COX18: variants seen among roughly 807,000 people sequenced by gnomAD.
COX18 encodes cytochrome c oxidase assembly protein COX18, mitochondrial.
A neutral mutation model predicts 38.0 loss-of-function variants in COX18; 45 were observed. That is an observed-to-expected ratio of 1.18 (90% CI 0.93 to 1.52). COX18 has a LOEUF of 1.52. Among genes scored for constraint, COX18 ranks in the 40% most tolerant of loss-of-function variants. The pLI, the probability that COX18 is intolerant of heterozygous loss-of-function variation, is 0.00. For synonymous variants in COX18, 177 were observed against 169.8 expected (o/e 1.04, Z -0.33); for missense variants, 462 against 423.8 (o/e 1.09, Z -0.79).
At chr4:73,069,086 A>C (rs1720616880) in intron 1 of COX18, among the ~76,000 whole-genome samples, 1 of 152,228 alleles carries the variant, frequency 6.6e-6, no homozygotes, top group South Asian at 2.1e-4. Flanking sequence ...CAAATCCAGT[A>C]AGACAAAAGA....
Position 73,055,814 on chromosome 4 carries a change from A to C in COX18, c.*2300T>G, listed in dbSNP as rs1719868812. On this transcript the variant is annotated 3_prime_UTR_variant, in exon 6 of 6. Transcript: ENST00000507544. ...GCAAGGAGGCAAATTTACAAATATA[A>C]AATCCACAAATAATGAGGATATTTC... The C allele has an allele frequency of 6.6e-6, 1 of 152,188 alleles. No homozygotes were observed. The highest frequency in any genetic ancestry group is 2.4e-5 in the African/African-American group (1 of 41,456). 9.4% of individuals were successfully genotyped at this position (152,188 alleles called of 1,614,324 possible). A position where few individuals can be genotyped will look rare whatever the true frequency, so the allele number is the denominator to read the frequency against.
intron 2 of COX18, 114 bp from the exon 3 acceptor site, chr4:73,065,527 T>A (rs1166793750): frequency 1.1e-6 from 1 of 899,520 alleles, no homozygotes; most frequent in African/African-American, 1.7e-5. Context: ...AGGATTTGTA[T>A]AAGGGTTTCA....
intron 5 of COX18, among the ~76,000 whole-genome samples, chr4:73,059,174 C>A (rs989341236): frequency 3.3e-5 from 5 of 152,162 alleles, no homozygotes; most frequent in Non-Finnish European, 7.4e-5. Flanking sequence ...TCCTGAAATA[C>A]TCCTATACTT....
chr4:73,065,058 A>T (rs953722305), intron 3 of COX18, among the ~76,000 whole-genome samples, 156 bp from the exon 4 acceptor site: 1 of 151,650 alleles, frequency 6.6e-6, no homozygotes, highest in Non-Finnish European at 1.5e-5. Flanking sequence ...CAATATATAT[A>T]TTTTTTCTCA....
rs867305620 is a variant in COX18, at chr4:73,065,265, C to A, written c.583G>T (p.Ala195Ser). The part of the protein sequence containing the change: ...SFALRNLSTG[A>S]AHSEAGFSVQ... ...CAATAATTACCTTCTGAATGTGCTG[C>A]CCCCGTGCTTAAATTCCGGAGAGCA... The change falls in exon 3 of 6, where the codon GCA (alanine) becomes TCA (serine). Residue 195 changes from alanine to serine, a missense_variant. Coordinates refer to ENST00000507544, the MANE Select transcript of COX18 (RefSeq NM_001297732.2). 1.2e-6 allele frequency: 2 copies of A among 1,612,434 alleles called. No homozygotes were observed. The highest frequency in any genetic ancestry group is 2.7e-5 in the African/African-American group (2 of 74,508).
intron 2 of COX18, among the ~76,000 whole-genome samples, 165 bp downstream of exon 2, chr4:73,067,864 A>AAAAATATATATATATATATAT: frequency 5.0e-5 from 1 of 20,022 alleles, no homozygotes; most frequent in African/African-American, 9.1e-5. Context: ...AAAAAAAAAA[A>AAAAATATATATATATATATAT]ATATATATAT....
chr4:73,069,113 G>A (rs1304449646), intron 1 of COX18, among the ~76,000 whole-genome samples: 2 of 152,232 alleles, frequency 1.3e-5, no homozygotes, highest in Non-Finnish European at 2.9e-5. Context: ...AGGTACACGT[G>A]TCACAAAGTA....
chr4:73,069,242 C>T, intron 1 of COX18, 75 bp downstream of exon 1: 1 of 1,127,962 alleles, frequency 8.9e-7, no homozygotes. Flanking sequence ...CGATCGAAAA[C>T]CCTGAGTGAA....
At chr4:73,058,915 C>T (rs1275368190) in intron 5 of COX18, among the ~76,000 whole-genome samples, 2 of 152,132 alleles carry the variant, frequency 1.3e-5, no homozygotes, top group African/African-American at 4.8e-5. Flanking sequence ...TTCCATTCCT[C>T]GTATCATGAG....
chr4:73,069,717 G>A (rs1385581594), upstream of COX18: 5 of 1,429,220 alleles, frequency 3.5e-6, no homozygotes, highest in Admixed American at 1.0e-4. Context: ...GCCAGCCAAG[G>A]CTGATACGCG....
intron 3 of COX18, 107 bp downstream of exon 3, chr4:73,065,143 G>C: frequency 5.6e-6 from 6 of 1,066,054 alleles, no homozygotes; most frequent in Non-Finnish European, 8.0e-6. Context: ...AAGGAAGATA[G>C]TAAACATATC....
chr4:73,065,315 A>C lies in COX18; in HGVS notation c.533T>G (p.Leu178Arg). The C allele has an allele frequency of 1.2e-6, 2 of 1,613,962 alleles. No homozygotes were observed. The highest frequency in any genetic ancestry group is 1.7e-6 in the Non-Finnish European group (2 of 1,179,964). The change falls in exon 3 of 6, where the codon CTT becomes CGT. Residue 178 changes from leucine (L) to arginine (R), a missense_variant. By Grantham distance (102) the Leu-to-Arg change is moderately radical. Coordinates refer to ENST00000507544, the MANE Select transcript of COX18 (RefSeq NM_001297732.2). ...AAAAGACATGAAGATCCACATTGGA[A>C]GCTGAATCCAAACCAACACAGTGGC... ...FKATVLVWIQ[L>R]PMWIFMSFAL...
intron 2 of COX18, among the ~76,000 whole-genome samples, chr4:73,066,382 A>G (rs1720447091): frequency 6.6e-6 from 1 of 152,146 alleles, no homozygotes; most frequent in Non-Finnish European, 1.5e-5. Context: ...TTCAAGACTC[A>G]ATACTATTGA....
intron 1 of COX18, among the ~76,000 whole-genome samples, chr4:73,068,825 G>A (rs1482567735): frequency 6.6e-6 from 1 of 152,218 alleles, no homozygotes; most frequent in Non-Finnish European, 1.5e-5. Flanking sequence ...TCAAGTAACT[G>A]CGACCAACCA....
In COX18 at chr4:73,057,772, C is replaced by T. The variant is rs981433191; in HGVS notation, c.*342G>A. On this transcript the variant is annotated 3_prime_UTR_variant, in exon 6 of 6. Coordinates refer to ENST00000507544, the MANE Select transcript of COX18 (RefSeq NM_001297732.2). ...GAAACCTCTGTATTCCAGGTTCAAG[C>T]GATTCTCCTGCCTCAGCCTCCCAAG... is the stretch of plus-strand genomic sequence containing the variant. 32 of 161,700 alleles carry T rather than the reference C, an allele frequency of 2.0e-4. No homozygotes were observed. Among genetic ancestry groups the T allele is most frequent in the Non-Finnish European group, 3.4e-4 (25 of 73,530 alleles). The allele number at this position is 161,700 out of a possible 1,614,324, so 10.0% of individuals were successfully genotyped here.
At position 73,055,956 on chromosome 4, in the gene COX18, T is replaced by C. The variant is rs996454230; in HGVS notation, c.*2158A>G. The C allele has an allele frequency of 2.6e-5, 4 of 152,202 alleles. No individual in the cohort carries two copies. Among genetic ancestry groups the C allele is most frequent in the Non-Finnish European group, 5.9e-5 (4 of 68,038 alleles). The allele number at this position is 152,202 out of a possible 1,614,324, so 9.4% of individuals were successfully genotyped here. A position where few individuals can be genotyped will look rare whatever the true frequency, so the allele number is the denominator to read the frequency against. ...TAATTGCCACCATCTATGTCTAAAA[T>C]AAATTCTCAGGGAAGCAGAATTCTT... On this transcript the variant is annotated 3_prime_UTR_variant, in exon 6 of 6. Coordinates refer to ENST00000507544, the MANE Select transcript of COX18 (RefSeq NM_001297732.2).
rs183565586 is a variant in COX18, at chr4:73,060,475, A to G, written c.831+1338T>C. ...AATTCTCACAGGCATTATGATATCT[A>G]TTTTAGAGATGAACAAACTTATTCT... On this transcript the variant is annotated intron_variant, in intron 5 of 5. Transcript: ENST00000507544. Among the ~76,000 whole-genome samples the G allele has an allele frequency of 8.8e-4, 134 of 152,332 alleles. 1 individual carries two copies. Among genetic ancestry groups the G allele is most frequent in the African/African-American group, 3.1e-3 (129 of 41,588 alleles).
Position 73,069,457 on chromosome 4 carries a change from G to A in COX18, c.193C>T (p.Arg65Trp), listed in dbSNP as rs866530538. ...CCGAGCAGTACTTCCTCCGCAACCCGCACCGGCGAAGACGCGGCCAGGGCC... is the reference window on the plus strand; with the variant it reads ...CCGAGCAGTACTTCCTCCGCAACCCACACCGGCGAAGACGCGGCCAGGGCC... ...YEALAASSPV[R>W]VAEEVLLGVH... Residue 65 changes from arginine (R) to tryptophan (W), a missense_variant, in exon 1 of 6, where the codon CGG becomes TGG. Physicochemically the swap from Arg to Trp is moderately radical, Grantham distance 101. Coordinates refer to ENST00000507544, the MANE Select transcript of COX18 (RefSeq NM_001297732.2). The A allele has an allele frequency of 1.9e-6, 3 of 1,588,512 alleles. No homozygotes were observed. The highest frequency in any genetic ancestry group is 1.8e-5 in the Admixed American group (1 of 56,088).
At chr4:73,063,539 G>A (rs1463409842) in intron 4 of COX18, among the ~76,000 whole-genome samples, 4 of 152,118 alleles carry the variant, frequency 2.6e-5, no homozygotes, top group Admixed American at 2.0e-4. Flanking sequence ...AGAGGCGCAC[G>A]CCACCATGCC....
Sources: allele counts gnomAD v4.1 joint callset (sites outside exome capture counted in the v4.1 genomes callset), GRCh38; gene constraint gnomAD v4.1.1; transcripts MANE v1.5; gene names NCBI Gene and HGNC (gene_info 2026-07-23, HGNC 2026-07-21).